GRIK2: variants seen among roughly 807,000 people sequenced by gnomAD.
GRIK2 encodes the protein glutamate ionotropic receptor kainate type subunit 2, also known as glutamate receptor ionotropic, kainate 2.
A neutral mutation model predicts 100.3 loss-of-function variants in GRIK2; 32 were observed. The ratio of observed to expected loss-of-function variants is 0.32; its 90% CI spans 0.24 to 0.43. GRIK2 has a LOEUF of 0.43. GRIK2 is among the 20% of genes least tolerant of loss of function. The pLI, the probability that GRIK2 is intolerant of heterozygous loss-of-function variation, is 1.00. For missense variants in GRIK2, 843 were observed against 1,114.9 expected, an observed-to-expected ratio of 0.76 and a Z score of 3.47; for synonymous variants, 417 against 389.4, an observed-to-expected ratio of 1.07 and a Z score of -0.83.
intron 7 of GRIK2, among the ~76,000 whole-genome samples, chr6:101,744,167 C>T (rs1396181764): frequency 1.3e-5 from 2 of 151,950 alleles, no homozygotes; most frequent in Non-Finnish European, 2.9e-5. Context: ...TGTTCTCGAT[C>T]TCCTGACCTC....
chr6:101,465,415 A>G (rs1771589274), intron 2 of GRIK2, among the ~76,000 whole-genome samples: 1 of 152,194 alleles, frequency 6.6e-6, no homozygotes, highest in Non-Finnish European at 1.5e-5. Context: ...AATGGCCTCC[A>G]GTCCCATCCA....
intron 2 of GRIK2, among the ~76,000 whole-genome samples, chr6:101,446,976 T>A (rs1246869664): frequency 3.3e-4 from 5 of 15,050 alleles, no homozygotes; most frequent in African/African-American, 1.4e-3. Context: ...TATTTATATA[T>A]TATATGTTTA....
intron 14 of GRIK2, among the ~76,000 whole-genome samples, chr6:102,030,174 G>A (rs918328963): frequency 2.0e-5 from 3 of 151,184 alleles, no homozygotes; most frequent in East Asian, 2.0e-4. Context: ...GAGTAGAATA[G>A]TAGTTACCAG....
intron 10 of GRIK2, among the ~76,000 whole-genome samples, chr6:101,848,373 G>A (rs2791834): frequency 0.72 from 109,773 of 151,982 alleles, 42,156 homozygotes; most frequent in Non-Finnish European, 0.87. Flanking sequence ...TTGAATAGTT[G>A]TGACTATATA....
At chr6:101,453,766 C>CTTT (rs1312292513) in intron 2 of GRIK2, among the ~76,000 whole-genome samples, 1 of 151,924 alleles carries the variant, frequency 6.6e-6, no homozygotes, top group East Asian at 1.9e-4. Context: ...ATTTCATGTG[C>CTTT]TTTATGTCTG....
chr6:101,467,595 T>C (rs1771713356), intron 2 of GRIK2, among the ~76,000 whole-genome samples: 1 of 152,330 alleles, frequency 6.6e-6, no homozygotes, highest in African/African-American at 2.4e-5. Context: ...TTATTCAATA[T>C]TGCTGTTACT....
Position 101,495,366 on chromosome 6 carries a change from C to CGTG in GRIK2, c.115+95979_115+95981dup, listed in dbSNP as rs551131572. Among the ~76,000 whole-genome samples, 435 of 151,996 alleles carry CGTG rather than the reference C, an allele frequency of 2.9e-3. 3 individuals are homozygous for CGTG. Among genetic ancestry groups the CGTG allele is most frequent in the African/African-American group, 0.01 (424 of 41,462 alleles). ...TAAAAATACAAAACAATTAGCCAGG[C>CGTG]GTGGTGGCGGGCACCTGTAGTCCCA... On this transcript the variant is annotated intron_variant, in intron 2 of 16. Coordinates refer to ENST00000369134, the MANE Select transcript of GRIK2 (RefSeq NM_021956.5).
chr6:101,401,627 A>G (rs961815518), intron 2 of GRIK2, among the ~76,000 whole-genome samples: 14 of 152,224 alleles, frequency 9.2e-5, no homozygotes, highest in East Asian at 1.9e-4. Context: ...AGGACTGTGT[A>G]CATTGTTACT....
intron 14 of GRIK2, among the ~76,000 whole-genome samples, chr6:101,966,729 A>G (rs1792698785): frequency 6.6e-6 from 1 of 152,126 alleles, no homozygotes; most frequent in South Asian, 2.1e-4. Context: ...ATTATGATTG[A>G]TAGGATATCT....
intron 16 of GRIK2, among the ~76,000 whole-genome samples, chr6:102,062,474 T>C (rs1291449723): frequency 6.8e-6 from 1 of 147,208 alleles, no homozygotes; most frequent in Non-Finnish European, 1.5e-5. Context: ...ACTTGACTTC[T>C]TAAGTTTTAA....
chr6:102,002,579 T>C (rs1360177578), intron 14 of GRIK2, among the ~76,000 whole-genome samples: 1 of 150,946 alleles, frequency 6.6e-6, no homozygotes, highest in Admixed American at 6.6e-5. Context: ...TTATTAATGC[T>C]TTCATTGTAT....
intron 6 of GRIK2, among the ~76,000 whole-genome samples, chr6:101,683,961 T>C (rs1771483965): frequency 6.6e-6 from 1 of 152,210 alleles, no homozygotes; most frequent in Admixed American, 6.5e-5. Context: ...TTGAAATTCT[T>C]CCAGTTAGTC....
chr6:101,780,233 C>T (rs938714243), intron 7 of GRIK2, among the ~76,000 whole-genome samples: 3 of 152,088 alleles, frequency 2.0e-5, no homozygotes, highest in African/African-American at 7.2e-5. Flanking sequence ...GCCTGGTATT[C>T]GTAAGACACC....
chr6:101,733,311 C>A (rs1775406392), intron 7 of GRIK2, among the ~76,000 whole-genome samples: 1 of 152,020 alleles, frequency 6.6e-6, no homozygotes, highest in African/African-American at 2.4e-5. Context: ...TATATGCTTT[C>A]AGAATACAAT....
chr6:101,403,455 G>T (rs1775432934), intron 2 of GRIK2, among the ~76,000 whole-genome samples: 1 of 152,182 alleles, frequency 6.6e-6, no homozygotes, highest in Non-Finnish European at 1.5e-5. Context: ...TTGTGGGACA[G>T]CAATCACACA....
At chr6:101,989,804 G>GATATGCA (rs1486557765) in intron 14 of GRIK2, among the ~76,000 whole-genome samples, 3 of 151,296 alleles carry the variant, frequency 2.0e-5, no homozygotes, top group African/African-American at 7.3e-5. Flanking sequence ...ACTCCTCATT[G>GATATGCA]ATATGCAATA....
chr6:101,934,643 CAT>C (rs1005127612), intron 14 of GRIK2, among the ~76,000 whole-genome samples: 1 of 151,824 alleles, frequency 6.6e-6, no homozygotes, highest in Non-Finnish European at 1.5e-5. Context: ...GATCTAAAAA[CAT>C]ATACTATTCA....
intron 2 of GRIK2, among the ~76,000 whole-genome samples, chr6:101,611,078 T>A (rs1779654716): frequency 1.3e-5 from 2 of 151,808 alleles, no homozygotes; most frequent in Admixed American, 1.3e-4. Flanking sequence ...CCCTTGGATT[T>A]TAATGGTCCA....
chr6:101,474,307 T>C (rs1237391500), intron 2 of GRIK2, among the ~76,000 whole-genome samples: 1 of 151,940 alleles, frequency 6.6e-6, no homozygotes, highest in East Asian at 1.9e-4. Context: ...AAATGTCATA[T>C]TCATTTGGAA....
Sources: allele counts gnomAD v4.1 joint callset (sites outside exome capture counted in the v4.1 genomes callset), GRCh38; gene constraint gnomAD v4.1.1; transcripts MANE v1.5; gene names NCBI Gene and HGNC (gene_info 2026-07-23, HGNC 2026-07-21).